The following CNTN4 variants were observed in gnomAD, a reference collection of about 807,000 sequenced individuals.
CNTN4 encodes the protein contactin-4.
A neutral mutation model predicts 122.5 loss-of-function variants in CNTN4; 77 were observed. The ratio of observed to expected loss-of-function variants is 0.63; its 90% CI spans 0.52 to 0.76. The LOEUF is 0.76. CNTN4 is among the 30% of genes least tolerant of loss of function. The pLI is 0.00. For missense variants in CNTN4, 1,256 were observed against 1,259.1 expected, an observed-to-expected ratio of 1.00 and a Z score of 0.04; for synonymous variants, 512 against 447.0, an observed-to-expected ratio of 1.15 and a Z score of -1.83.
intron 4 of CNTN4, among the ~76,000 whole-genome samples, chr3:2,619,140 T>A (rs1049555200): frequency 3.3e-5 from 5 of 152,358 alleles, no homozygotes; most frequent in Admixed American, 2.0e-4. Context: ...CTTTTTTACT[T>A]TGTGTCTTCA....
At chr3:2,204,122 A>T (rs528093454) in intron 2 of CNTN4, among the ~76,000 whole-genome samples, 50 of 152,296 alleles carry the variant, frequency 3.3e-4, no homozygotes, top group Non-Finnish European at 4.1e-4. Flanking sequence ...TTTTATATTC[A>T]TTCATTGTTA....
At chr3:3,034,849 C>G in intron 17 of CNTN4, 59 bp downstream of exon 17, 1 of 1,559,096 alleles carries the variant, frequency 6.4e-7, no homozygotes, top group African/African-American at 1.4e-5. Context: ...GGACACAGCA[C>G]TGTGGCAAGG....
intron 4 of CNTN4, chr3:2,629,540 T>G: frequency 2.2e-6 from 1 of 453,476 alleles, no homozygotes; most frequent in Middle Eastern, 3.3e-4. Context: ...ACAGACTGAC[T>G]TCTGGTCCTT....
intron 10 of CNTN4, among the ~76,000 whole-genome samples, chr3:2,894,840 TTTA>T (rs2094088917): frequency 6.6e-6 from 1 of 152,212 alleles, no homozygotes; most frequent in African/African-American, 2.4e-5. Flanking sequence ...TTACAATGTT[TTTA>T]TTCTATAACT....
Position 2,473,994 on chromosome 3 carries a change from A to G in CNTN4, c.-88-97422A>G, listed in dbSNP as rs143535743. On this transcript the variant is annotated intron_variant, in intron 3 of 24. Coordinates refer to ENST00000418658, the MANE Select transcript of CNTN4 (RefSeq NM_175607.3). ...ACGCCACTGCACTCCAGCCTGGGCG[A>G]CAAAAGCAAAACTCGGTCTCAAAAA... Among the ~76,000 whole-genome samples, 1,123 of 151,236 alleles carry G rather than the reference A, an allele frequency of 7.4e-3. 11 individuals are homozygous for G. The highest frequency in any genetic ancestry group is 0.026 in the African/African-American group (1,065 of 41,400).
intron 6 of CNTN4, among the ~76,000 whole-genome samples, chr3:2,755,888 A>G (rs1268386876): frequency 6.6e-6 from 1 of 152,222 alleles, no homozygotes; most frequent in Non-Finnish European, 1.5e-5. Flanking sequence ...ACCATAAAAA[A>G]ACCAAGGTAC....
intron 2 of CNTN4, among the ~76,000 whole-genome samples, chr3:2,243,715 A>T (rs1387932334): frequency 6.6e-6 from 1 of 152,078 alleles, no homozygotes; most frequent in Non-Finnish European, 1.5e-5. Flanking sequence ...TTTCTCAATG[A>T]TAAGGGCAAA....
chr3:2,525,589 A>G (rs775660420), intron 3 of CNTN4, among the ~76,000 whole-genome samples: 1 of 152,166 alleles, frequency 6.6e-6, no homozygotes, highest in South Asian at 2.1e-4. Flanking sequence ...CACAAGGTGT[A>G]AAAATACAGT....
intron 2 of CNTN4, among the ~76,000 whole-genome samples, chr3:2,218,639 C>T (rs2038944504): frequency 1.3e-5 from 2 of 152,142 alleles, no homozygotes; most frequent in Admixed American, 1.3e-4. Flanking sequence ...TCCACATCTC[C>T]AGCTGTCTAT....
At chr3:3,045,293 G>C (rs188479914) in intron 23 of CNTN4, among the ~76,000 whole-genome samples, 1 of 152,178 alleles carries the variant, frequency 6.6e-6, no homozygotes, top group Admixed American at 6.5e-5. Flanking sequence ...GTTTCCCCCA[G>C]CACGGAGTTT....
At chr3:2,863,890 G>A (rs186636516) in intron 7 of CNTN4, among the ~76,000 whole-genome samples, 34 of 152,214 alleles carry the variant, frequency 2.2e-4, no homozygotes, top group Non-Finnish European at 4.1e-4. Context: ...GGGAGGTGGG[G>A]GTAGAAAACA....
chr3:2,155,235 A>C (rs1251617462), intron 2 of CNTN4, among the ~76,000 whole-genome samples: 1 of 152,196 alleles, frequency 6.6e-6, no homozygotes, highest in Non-Finnish European at 1.5e-5. Context: ...ACCTGCCTGC[A>C]TTAATTAATT....
At chr3:2,542,531 A>G (rs561360953) in intron 3 of CNTN4, among the ~76,000 whole-genome samples, 1 of 152,088 alleles carries the variant, frequency 6.6e-6, no homozygotes, top group South Asian at 2.1e-4. Context: ...TCTATTCCTA[A>G]CAGTGTGCCT....
chr3:2,752,062 A>G (rs956986095), intron 6 of CNTN4, among the ~76,000 whole-genome samples: 1 of 152,194 alleles, frequency 6.6e-6, no homozygotes, highest in Non-Finnish European at 1.5e-5. Flanking sequence ...CAACATAGGA[A>G]AGTTATACAA....
chr3:3,030,935 T>C lies in CNTN4; in HGVS notation c.1743T>C (p.Ser581=), dbSNP rs141576106. The C allele has an allele frequency of 1.2e-6, 2 of 1,614,046 alleles. No individual in the cohort carries two copies. Among genetic ancestry groups the C allele is most frequent in the South Asian group, 2.2e-5 (2 of 91,080 alleles). The part of the protein sequence containing the change: ...AGKYVCMVQT[S]VDRLSAAADL... ...AATATGTCTGCATGGTCCAAACAAG[T>C]GTGGACAGGCTATCTGCTGCTGCAG... is the stretch of plus-strand genomic sequence containing the variant. The change falls in exon 16 of 25, where the codon AGT becomes AGC. Residue 581 remains serine (S), a synonymous_variant. Coordinates refer to ENST00000418658, the MANE Select transcript of CNTN4 (RefSeq NM_175607.3).
At chr3:2,341,311 T>A (rs1627079) in intron 3 of CNTN4, among the ~76,000 whole-genome samples, 74,832 of 152,002 alleles carry the variant, frequency 0.49, 18,628 homozygotes, top group Admixed American at 0.52. Context: ...CAATATGATA[T>A]TCACATTGTC....
At chr3:2,744,970 T>C (rs932918191) in intron 5 of CNTN4, among the ~76,000 whole-genome samples, 4 of 152,314 alleles carry the variant, frequency 2.6e-5, no homozygotes, top group East Asian at 1.9e-4. Context: ...TTCAAAGTGA[T>C]CCACGGTTAA....
At chr3:2,285,462 C>T (rs1187436238) in intron 2 of CNTN4, among the ~76,000 whole-genome samples, 2 of 151,946 alleles carry the variant, frequency 1.3e-5, no homozygotes, top group African/African-American at 4.8e-5. Context: ...ATTGGGATAC[C>T]TCACAGTTTG....
intron 2 of CNTN4, among the ~76,000 whole-genome samples, chr3:2,163,168 G>C (rs1358582292): frequency 6.6e-6 from 1 of 152,144 alleles, no homozygotes; most frequent in Admixed American, 6.5e-5. Flanking sequence ...TAAACCAGTG[G>C]AACAGAATAG....
Sources: allele counts gnomAD v4.1 joint callset (sites outside exome capture counted in the v4.1 genomes callset), GRCh38; gene constraint gnomAD v4.1.1; transcripts MANE v1.5; gene names NCBI Gene and HGNC (gene_info 2026-07-23, HGNC 2026-07-21).